ERI1: variants seen among roughly 807,000 people sequenced by gnomAD.
ERI1 encodes 3'-5' exoribonuclease 1.
In ERI1, 39 loss-of-function variants were observed where a neutral mutation model predicts 39.7. The ratio of observed to expected loss-of-function variants is 0.98; its 90% CI spans 0.76 to 1.28. ERI1 has a LOEUF of 1.28. ERI1 is among the 50% of genes most tolerant of loss of function. The probability of loss-of-function intolerance (pLI) is 0.00; values close to 1 mark genes in which losing one functional copy is unlikely to be tolerated. For missense variants in ERI1, 581 were observed against 416.9 expected, an observed-to-expected ratio of 1.39 and a Z score of -3.43; for synonymous variants, 204 against 149.6, an observed-to-expected ratio of 1.36 and a Z score of -2.65.
intron 6 of ERI1, among the ~76,000 whole-genome samples, chr8:9,026,236 A>C (rs995134277): frequency 5.3e-5 from 8 of 152,216 alleles, no homozygotes; most frequent in African/African-American, 1.9e-4. Context: ...CCCACCCTGT[A>C]TAACACTTGT....
chr8:9,096,471 G>A (rs1161605526), intron 3 of ERI1, among the ~76,000 whole-genome samples: 1 of 152,094 alleles, frequency 6.6e-6, no homozygotes, highest in African/African-American at 2.4e-5. Flanking sequence ...TTCCCATGGA[G>A]GTAGTCACAG....
intron 3 of ERI1, among the ~76,000 whole-genome samples, chr8:9,039,921 C>G (rs548779920): frequency 3.3e-5 from 5 of 152,024 alleles, no homozygotes; most frequent in Non-Finnish European, 5.9e-5. Flanking sequence ...GCAGTTTTGT[C>G]TATAGGTTTT....
chr8:9,070,081 A>G (rs1027083476), intron 3 of ERI1, among the ~76,000 whole-genome samples: 8 of 152,108 alleles, frequency 5.3e-5, no homozygotes, highest in Non-Finnish European at 1.0e-4. Flanking sequence ...TCTACTAAAA[A>G]TACAAAAACT....
intron 3 of ERI1, among the ~76,000 whole-genome samples, chr8:9,016,000 G>A (rs983111647): frequency 2.0e-5 from 3 of 151,982 alleles, no homozygotes; most frequent in African/African-American, 7.2e-5. Flanking sequence ...TGAAGTAGAG[G>A]ATGCATTAAT....
At chr8:9,075,264 C>T (rs1217569548) in intron 3 of ERI1, among the ~76,000 whole-genome samples, 1 of 152,202 alleles carries the variant, frequency 6.6e-6, no homozygotes, top group Non-Finnish European at 1.5e-5. Flanking sequence ...GAAATGCGTT[C>T]CCACACAAAG....
At chr8:9,043,949 A>T (rs1017959362) in intron 3 of ERI1, among the ~76,000 whole-genome samples, 22 of 152,256 alleles carry the variant, frequency 1.4e-4, no homozygotes, top group Non-Finnish European at 2.9e-4. Context: ...GTTTCAAAAG[A>T]GGCCTACGGT....
intron 3 of ERI1, among the ~76,000 whole-genome samples, chr8:9,069,609 A>G (rs1798985336): frequency 6.6e-6 from 1 of 152,250 alleles, no homozygotes; most frequent in Non-Finnish European, 1.5e-5. Context: ...TCACTCAAAT[A>G]GCACTTGAAA....
In ERI1 at chr8:9,048,941, C is replaced by T. The variant is rs75152592; in HGVS notation, n.299+28477C>T. ...GATTACAGGCGTGAGCCACCGCGCT[C>T]GGCCAGCATTCTGTTCTTTATGCAC... On this transcript the variant is annotated intron_variant and non_coding_transcript_variant, in intron 3 of 3. Transcript: ENST00000518663. 4.8e-3 allele frequency among the ~76,000 whole-genome samples: 726 copies of T among 152,156 alleles called. 4 individuals carry two copies. Among genetic ancestry groups the T allele is most frequent in the African/African-American group, 0.016 (657 of 41,528 alleles).
At chr8:9,044,343 G>T (rs1465616060) in intron 3 of ERI1, among the ~76,000 whole-genome samples, 3 of 152,154 alleles carry the variant, frequency 2.0e-5, no homozygotes, top group Non-Finnish European at 4.4e-5. Flanking sequence ...TGCTGAGATT[G>T]TTGAAAGAAG....
At chr8:9,049,499 T>G (rs1563356982) in intron 3 of ERI1, among the ~76,000 whole-genome samples, 1 of 151,700 alleles carries the variant, frequency 6.6e-6, no homozygotes, top group African/African-American at 2.4e-5. Flanking sequence ...CTTTGGATCT[T>G]GTCTTTATTT....
intron 6 of ERI1, among the ~76,000 whole-genome samples, chr8:9,028,244 C>T (rs1695131359): frequency 6.6e-6 from 1 of 152,198 alleles, no homozygotes. Flanking sequence ...ATTCAGTCTC[C>T]TTCCTAGGTA....
intron 6 of ERI1, among the ~76,000 whole-genome samples, chr8:9,028,074 T>A (rs1469987500): frequency 6.6e-6 from 1 of 152,226 alleles, no homozygotes; most frequent in Non-Finnish European, 1.5e-5. Context: ...TGTATCAAAG[T>A]GATGCTGACC....
At chr8:9,034,797 A>G (rs1797788732), downstream of ERI1, among the ~76,000 whole-genome samples, 1 of 152,090 alleles carries the variant, frequency 6.6e-6, no homozygotes, top group Non-Finnish European at 1.5e-5. Context: ...GTCAAAAGCT[A>G]AGACGGGCTG....
intron 3 of ERI1, among the ~76,000 whole-genome samples, chr8:9,074,278 T>C (rs1056064473): frequency 6.8e-6 from 1 of 146,064 alleles, no homozygotes; most frequent in Non-Finnish European, 1.5e-5. Context: ...GCCTGGCTAA[T>C]TTTTTTTTTT....
At position 9,030,017 on chromosome 8, in the gene ERI1, C is replaced by A; in HGVS notation, c.1033C>A (p.Pro345Thr). 6.3e-7 allele frequency: 1 copy of A among 1,595,470 alleles called. No individual in the cohort carries two copies. The highest frequency in any genetic ancestry group is 1.3e-5 in the African/African-American group (1 of 74,176). The change falls in exon 7 of 7, where the codon CCA becomes ACA. Residue 345 changes from proline (P) to threonine (T), a missense_variant. Transcript: ENST00000250263. ...PIEGTPPPQM[P>T]HFRK Reference sequence around the variant, plus strand: ...AGAGGGCACTCCACCACCACAAATGCCACATTTTAGAAAGTAACAACAGTT... The same window carrying A: ...AGAGGGCACTCCACCACCACAAATGACACATTTTAGAAAGTAACAACAGTT...
intron 3 of ERI1, among the ~76,000 whole-genome samples, chr8:9,047,555 C>T (rs1263450317): frequency 6.6e-6 from 1 of 151,906 alleles, no homozygotes; most frequent in African/African-American, 2.4e-5. Context: ...TTTTTACACA[C>T]CTGTACACAG....
At chr8:9,019,264 A>G (rs1193878617) in intron 5 of ERI1, among the ~76,000 whole-genome samples, 1 of 152,200 alleles carries the variant, frequency 6.6e-6, no homozygotes, top group African/African-American at 2.4e-5. Flanking sequence ...TTCTGTTTCA[A>G]ACTGTGCAGG....
intron 3 of ERI1, among the ~76,000 whole-genome samples, chr8:9,050,981 G>T (rs1346980111): frequency 6.6e-6 from 1 of 152,086 alleles, no homozygotes; most frequent in Non-Finnish European, 1.5e-5. Flanking sequence ...ATCTGGTTCT[G>T]ATCCTGAACT....
chr8:9,086,805 G>T (rs192700083), intron 3 of ERI1, among the ~76,000 whole-genome samples: 79 of 152,264 alleles, frequency 5.2e-4, no homozygotes, highest in African/African-American at 1.9e-3. Flanking sequence ...TATTGGCTTG[G>T]ATAAATACTC....
Sources: gnomAD v4.1 joint callset for allele counts (sites outside exome capture counted in the v4.1 genomes callset) on GRCh38, gnomAD v4.1.1 for gene constraint, MANE v1.5 for transcripts, NCBI Gene and HGNC (gene_info 2026-07-23, HGNC 2026-07-21) for gene names.